The following SNX29 variants were observed in gnomAD, a reference collection of about 807,000 sequenced individuals.
The protein encoded by SNX29 is sorting nexin 29.
In SNX29, 78 loss-of-function variants were observed where a neutral mutation model predicts 102.1. That is an observed-to-expected ratio of 0.76 (90% CI 0.64 to 0.92). The LOEUF (loss-of-function observed/expected upper bound fraction) is 0.92. SNX29 is among the 40% of genes least tolerant of loss of function. The pLI, the probability that SNX29 is intolerant of heterozygous loss-of-function variation, is 0.00. For missense variants in SNX29, 1,280 were observed against 1,061.7 expected, an observed-to-expected ratio of 1.21 and a Z score of -2.86; for synonymous variants, 580 against 414.5, an observed-to-expected ratio of 1.40 and a Z score of -4.85.
chr16:12,537,969 A>G (rs2077150851), intron 20 of SNX29, among the ~76,000 whole-genome samples: 1 of 134,608 alleles, frequency 7.4e-6, no homozygotes, highest in African/African-American at 3.0e-5. Flanking sequence ...TGGGCAATAG[A>G]GCAAAACTCC....
chr16:12,075,965 C>T (rs58085972), intron 10 of SNX29, among the ~76,000 whole-genome samples: 33,189 of 152,160 alleles, frequency 0.22, 4,104 homozygotes, highest in African/African-American at 0.34. Flanking sequence ...TAGGACCCTC[C>T]GAGCCAGGTG....
intron 1 of SNX29, among the ~76,000 whole-genome samples, chr16:11,982,078 A>C (rs941434693): frequency 1.3e-5 from 2 of 152,108 alleles, no homozygotes; most frequent in African/African-American, 4.8e-5. Context: ...AATTATACCT[A>C]AAATATATAC....
chr16:12,080,843 C>G (rs1358587159), intron 11 of SNX29, among the ~76,000 whole-genome samples: 2 of 151,586 alleles, frequency 1.3e-5, no homozygotes, highest in African/African-American at 4.9e-5. Context: ...AGGCCCACGC[C>G]CGGCTAATTT....
intron 19 of SNX29, among the ~76,000 whole-genome samples, chr16:12,518,243 A>C (rs534481991): frequency 6.6e-6 from 1 of 152,022 alleles, no homozygotes; most frequent in African/African-American, 2.4e-5. Flanking sequence ...CAGATCAGCT[A>C]CCTGATGCCT....
At chr16:12,061,786 G>A in intron 9 of SNX29, 140 bp downstream of exon 9, 3 of 680,272 alleles carry the variant, frequency 4.4e-6, no homozygotes, top group Non-Finnish European at 7.5e-6. Flanking sequence ...GCCAGGGGGA[G>A]CTCACTGAGA....
chr16:11,994,127 A>AAAC (rs917392248), intron 1 of SNX29, among the ~76,000 whole-genome samples: 9 of 152,160 alleles, frequency 5.9e-5, no homozygotes, highest in African/African-American at 1.7e-4. Context: ...GTCTACAAAC[A>AAAC]AACAACAACA....
chr16:12,089,906 G>C (rs1352211489), intron 11 of SNX29: 3 of 313,322 alleles, frequency 9.6e-6, no homozygotes, highest in South Asian at 7.6e-5. Context: ...CTGTGTCTCG[G>C]GGTAGGGAGT....
At chr16:12,063,596 C>G (rs773928892) in intron 9 of SNX29, among the ~76,000 whole-genome samples, 2 of 151,994 alleles carry the variant, frequency 1.3e-5, no homozygotes, top group Non-Finnish European at 2.9e-5. Context: ...CCAGACTGAT[C>G]TCAAACTCCT....
intron 19 of SNX29, among the ~76,000 whole-genome samples, chr16:12,511,101 C>T (rs1307224030): frequency 6.6e-6 from 1 of 152,198 alleles, no homozygotes; most frequent in Non-Finnish European, 1.5e-5. Context: ...TTCATCCAAC[C>T]ACAGATTTCT....
At chr16:12,513,591 C>T (rs1465155160) in intron 19 of SNX29, among the ~76,000 whole-genome samples, 1 of 152,182 alleles carries the variant, frequency 6.6e-6, no homozygotes, top group Non-Finnish European at 1.5e-5. Context: ...GCTGCAGGAC[C>T]TGTTCCAGCC....
chr16:12,441,953 T>C (rs566927327), intron 18 of SNX29, among the ~76,000 whole-genome samples: 1 of 152,280 alleles, frequency 6.6e-6, no homozygotes, highest in African/African-American at 2.4e-5. Context: ...TATGCCTGGC[T>C]AATTTTTGTA....
At chr16:12,523,133 G>A (rs1264031642) in intron 19 of SNX29, among the ~76,000 whole-genome samples, 1 of 152,174 alleles carries the variant, frequency 6.6e-6, no homozygotes, top group Non-Finnish European at 1.5e-5. Context: ...TCTTCACCGG[G>A]GACCAGGGCA....
chr16:12,053,478 T>C (rs2050391486), intron 8 of SNX29, among the ~76,000 whole-genome samples: 3 of 151,542 alleles, frequency 2.0e-5, no homozygotes, highest in African/African-American at 7.3e-5. Context: ...GAGGATTCCT[T>C]AAGGCCAGGA....
At chr16:12,233,904 G>C (rs773896006) in intron 14 of SNX29, among the ~76,000 whole-genome samples, 2 of 151,990 alleles carry the variant, frequency 1.3e-5, no homozygotes, top group Non-Finnish European at 2.9e-5. Context: ...AGGTTTTCAA[G>C]GTTTATCTAC....
intron 13 of SNX29, among the ~76,000 whole-genome samples, chr16:12,198,620 G>C (rs2141958911): frequency 6.6e-6 from 1 of 152,350 alleles, no homozygotes; most frequent in Middle Eastern, 3.4e-3. Flanking sequence ...CTCTGGTAGA[G>C]CTGGTCAGAA....
At chr16:12,274,203 T>C (rs2079176055) in intron 14 of SNX29, among the ~76,000 whole-genome samples, 1 of 152,226 alleles carries the variant, frequency 6.6e-6, no homozygotes, top group Non-Finnish European at 1.5e-5. Context: ...CTCAAAATAA[T>C]TTTTCTTCAG....
intron 20 of SNX29, among the ~76,000 whole-genome samples, chr16:12,547,054 G>C (rs988023839): frequency 1.3e-5 from 2 of 152,204 alleles, no homozygotes; most frequent in East Asian, 1.9e-4. Context: ...GGGGGACACA[G>C]ACATTGAATA....
At chr16:12,500,929 C>T (rs868291400) in intron 19 of SNX29, among the ~76,000 whole-genome samples, 65 of 152,338 alleles carry the variant, frequency 4.3e-4, no homozygotes, top group South Asian at 4.1e-4. Flanking sequence ...CTGTTGCTCA[C>T]TTGTCAGATT....
chr16:12,542,422 G>T (rs140215152), intron 20 of SNX29, among the ~76,000 whole-genome samples: 1 of 152,150 alleles, frequency 6.6e-6, no homozygotes, highest in East Asian at 1.9e-4. Context: ...TACAGCCTTC[G>T]CCTCCCAAGT....
Sources: gnomAD v4.1 joint callset for allele counts (sites outside exome capture counted in the v4.1 genomes callset) on GRCh38, gnomAD v4.1.1 for gene constraint, MANE v1.5 for transcripts, NCBI Gene and HGNC (gene_info 2026-07-23, HGNC 2026-07-21) for gene names.